Variants in DCAF5 observed in about 807,000 individuals in gnomAD.
DCAF5 encodes the protein DDB1 and CUL4 associated factor 5, also known as DDB1- and CUL4-associated factor 5.
In DCAF5, 9 loss-of-function variants were observed where a neutral mutation model predicts 80.7. That is an observed-to-expected ratio of 0.11 (90% confidence interval 0.07 to 0.19). The LOEUF (loss-of-function observed/expected upper bound fraction) is 0.19. Ranked by LOEUF, DCAF5 falls within the 10% of genes least tolerant of loss-of-function variation. DCAF5 has a pLI of 1.00. For synonymous variants in DCAF5, 433 were observed against 461.9 expected, an observed-to-expected ratio of 0.94 and a Z score of 0.80; for missense variants, 842 against 1,205.7, an observed-to-expected ratio of 0.70 and a Z score of 4.47.
chr14:69,126,335 T>G (rs2040875122), intron 1 of DCAF5, among the ~76,000 whole-genome samples: 1 of 152,048 alleles, frequency 6.6e-6, no homozygotes, highest in African/African-American at 2.4e-5. Context: ...TTTTGTATTT[T>G]TAGTAGGGAC....
At chr14:69,079,732 G>C (rs1236461082) in intron 6 of DCAF5, among the ~76,000 whole-genome samples, 1 of 152,142 alleles carries the variant, frequency 6.6e-6, no homozygotes, top group African/African-American at 2.4e-5. Context: ...TTGATCAAAA[G>C]AGACCCTGTT....
intron 5 of DCAF5, among the ~76,000 whole-genome samples, chr14:69,113,444 T>C (rs1266001494): frequency 1.3e-5 from 2 of 152,044 alleles, no homozygotes; most frequent in Non-Finnish European, 2.9e-5. Context: ...AGAAAAAATA[T>C]GACATGTGTT....
At chr14:69,114,519 C>T (rs1710989) in intron 5 of DCAF5, among the ~76,000 whole-genome samples, 1 of 151,912 alleles carries the variant, frequency 6.6e-6, no homozygotes, top group African/African-American at 2.4e-5. Flanking sequence ...TATGCATAGT[C>T]GTATATACAT....
In DCAF5 at chr14:69,055,151, C is replaced by A. The variant is rs779120091; in HGVS notation, c.1535G>T (p.Arg512Leu). Residue 512 changes from arginine (R) to leucine (L), a missense_variant, in exon 9 of 9, where the codon CGT becomes CTT. Physicochemically the swap from Arg to Leu is moderately radical, Grantham distance 102. This residue lies in a region of DCAF5 where 607 missense variants were observed against 656.6 expected (regional missense o/e 0.92). Transcript: ENST00000341516. This position sits in a 1 kb window ranked among gnomAD's most constrained non-coding sequence, Gnocchi z 5.6. The stretch of plus-strand genomic sequence containing the variant: ...TTGGTAGCGCCGCAGAGCAGACAGA[C>A]GCTGCTGGCGAGAGGCTGCATCCTC... Reference protein sequence around the residue: ...TCEDAASRQQRLSALRRYQDK... With the variant: ...TCEDAASRQQLLSALRRYQDK... The A allele has an allele frequency of 6.2e-7, 1 of 1,614,220 alleles. No homozygotes were observed. Among genetic ancestry groups the A allele is most frequent in the Non-Finnish European group, 8.5e-7 (1 of 1,180,034 alleles).
At chr14:69,084,538 T>C in intron 6 of DCAF5, 2 of 756,268 alleles carry the variant, frequency 2.6e-6, no homozygotes, top group Non-Finnish European at 4.7e-6. Context: ...TGTATGTTGG[T>C]GTTGATGACG....
chr14:69,138,930 G>A (rs2041270641), intron 1 of DCAF5, among the ~76,000 whole-genome samples: 1 of 152,160 alleles, frequency 6.6e-6, no homozygotes, highest in Non-Finnish European at 1.5e-5. Context: ...TGGATTGTTT[G>A]AGCCCAAGAG....
intron 5 of DCAF5, among the ~76,000 whole-genome samples, chr14:69,109,703 T>C (rs903517825): frequency 6.6e-6 from 1 of 152,250 alleles, no homozygotes; most frequent in South Asian, 2.1e-4. Flanking sequence ...CCACAGTTTA[T>C]TTATCCATTT....
chr14:69,152,203 C>G lies in DCAF5; in HGVS notation c.214+562G>C, dbSNP rs118030788. On this transcript the variant is annotated intron_variant, in intron 1 of 8. Coordinates refer to ENST00000341516, the MANE Select transcript of DCAF5 (RefSeq NM_003861.3). This position sits in a 1 kb window ranked among gnomAD's most constrained non-coding sequence, Gnocchi z 4.1. ...GAGCGCCGAGGGGGGCGGCCCACAG[C>G]GACCCTACCGCCCCAGTCACTTCCC... 0.02 allele frequency among the ~76,000 whole-genome samples: 3,013 copies of G among 152,258 alleles called. 36 individuals are homozygous for G. The highest frequency in any genetic ancestry group is 0.03 in the Non-Finnish European group (2,060 of 67,996).
rs1285340643 is a variant in DCAF5, at chr14:69,119,503, C to A, written c.359-273G>T. ...CAGTGGATGATGTAAAAAAAAAAAA[C>A]AACTGTGGCTACAACCTGGGCAACA... On this transcript the variant is annotated intron_variant, in intron 2 of 8. Coordinates refer to ENST00000341516, the MANE Select transcript of DCAF5 (RefSeq NM_003861.3). Among the ~76,000 whole-genome samples the A allele has an allele frequency of 1.3e-4, 19 of 148,292 alleles. No individual in the cohort carries two copies. In the East Asian group the frequency reaches 2.8e-3, roughly 22 times the overall value.
chr14:69,053,238 A>G lies in DCAF5; in HGVS notation c.*619T>C, dbSNP rs2037818315. The G allele has an allele frequency of 6.6e-6, 1 of 152,354 alleles. No homozygotes were observed. The highest frequency in any genetic ancestry group is 6.5e-5 in the Admixed American group (1 of 15,296). The allele number at this position is 152,354 out of a possible 1,614,324, so 9.4% of individuals were successfully genotyped here. A position where few individuals can be genotyped will look rare whatever the true frequency, so the allele number is the denominator to read the frequency against. On this transcript the variant is annotated 3_prime_UTR_variant, in exon 9 of 9. Coordinates refer to ENST00000341516, the MANE Select transcript of DCAF5 (RefSeq NM_003861.3). ...ATAGTATGTCCACATTAAATGCTCA[A>G]TAAAGAAGTGTTACTTAGAGAAAAC... is the stretch of plus-strand genomic sequence containing the variant.
intron 4 of DCAF5, among the ~76,000 whole-genome samples, chr14:69,117,264 C>G (rs1463643470): frequency 6.6e-6 from 1 of 152,192 alleles, no homozygotes; most frequent in Non-Finnish European, 1.5e-5. Context: ...ATTTCACTTA[C>G]CAAGCCCACA....
chr14:69,099,566 A>G (rs773267655), intron 5 of DCAF5, among the ~76,000 whole-genome samples: 56 of 152,174 alleles, frequency 3.7e-4, no homozygotes, highest in Non-Finnish European at 5.9e-4. Context: ...AGTGAGTTAA[A>G]TTCATCCATG....
At chr14:69,094,071 T>C (rs948103502) in intron 5 of DCAF5, among the ~76,000 whole-genome samples, 1 of 152,136 alleles carries the variant, frequency 6.6e-6, no homozygotes, top group East Asian at 1.9e-4. Context: ...AACATCAGTA[T>C]GGAGTGTGCA....
intron 5 of DCAF5, among the ~76,000 whole-genome samples, chr14:69,105,039 T>G (rs75484318): frequency 0.016 from 2,357 of 149,150 alleles, 47 homozygotes; most frequent in East Asian, 0.065. Flanking sequence ...TGTGGTTATG[T>G]TTTTTTTTTA....
At chr14:69,113,210 G>A (rs2040430065) in intron 5 of DCAF5, among the ~76,000 whole-genome samples, 1 of 152,114 alleles carries the variant, frequency 6.6e-6, no homozygotes, top group South Asian at 2.1e-4. Flanking sequence ...AAGGTGTTCA[G>A]GGTGAGACCT....
chr14:69,110,287 T>C (rs1339292085), intron 5 of DCAF5, among the ~76,000 whole-genome samples: 25 of 149,936 alleles, frequency 1.7e-4, no homozygotes, highest in African/African-American at 5.9e-4. Flanking sequence ...TTTTTTTTTT[T>C]TGAGACAGAG....
chr14:69,137,385 C>G lies in DCAF5; in HGVS notation c.215-15025G>C, dbSNP rs181872269. Among the ~76,000 whole-genome samples, 1,042 of 152,286 alleles carry G rather than the reference C, an allele frequency of 6.8e-3. 17 individuals carry two copies. The highest frequency in any genetic ancestry group is 0.024 in the African/African-American group (988 of 41,544). ...ATAGAGAACTAACCTGGACAATATG[C>G]TCTCCTGATTATATCACAAATACGC... On this transcript the variant is annotated intron_variant, in intron 1 of 8. Coordinates refer to ENST00000341516, the MANE Select transcript of DCAF5 (RefSeq NM_003861.3).
intron 1 of DCAF5, among the ~76,000 whole-genome samples, chr14:69,124,034 T>G (rs1349933515): frequency 6.6e-6 from 1 of 152,146 alleles, no homozygotes; most frequent in Non-Finnish European, 1.5e-5. Flanking sequence ...TCTATGGATT[T>G]GTCTACTCTA....
In DCAF5 at chr14:69,145,043, A is replaced by C. The variant is rs76647108; in HGVS notation, c.214+7722T>G. ...ATCTTTTCATTTTTGCCATATCAAC[A>C]TAACACTTTTATTGTTTTTCTTTAA... On this transcript the variant is annotated intron_variant, in intron 1 of 8. Coordinates refer to ENST00000341516, the MANE Select transcript of DCAF5 (RefSeq NM_003861.3). Among the ~76,000 whole-genome samples the C allele has an allele frequency of 8.7e-3, 1,329 of 152,262 alleles. 21 individuals carry two copies. The highest frequency in any genetic ancestry group is 0.031 in the African/African-American group (1,269 of 41,542).
Sources: gnomAD v4.1 joint callset for allele counts (sites outside exome capture counted in the v4.1 genomes callset) on GRCh38, gnomAD v4.1.1 for gene constraint, gnomAD v4.1.1 regional missense constraint, Gnocchi (gnomAD v3.1) non-coding constraint, MANE v1.5 for transcripts, NCBI Gene and HGNC (gene_info 2026-07-23, HGNC 2026-07-21) for gene names.